PLEKHA5: variants seen among roughly 807,000 people sequenced by gnomAD.
PLEKHA5 encodes pleckstrin homology domain-containing family A member 5.
A neutral mutation model predicts 181.9 loss-of-function variants in PLEKHA5; 55 were observed. That is an observed-to-expected ratio of 0.30 (90% CI 0.24 to 0.38). The LOEUF is 0.38. Ranked by LOEUF, PLEKHA5 falls within the 10% of genes least tolerant of loss-of-function variation. The pLI is 1.00. For synonymous variants in PLEKHA5, 535 were observed against 529.4 expected (o/e 1.01, Z -0.15); for missense variants, 1,432 against 1,549.5 (o/e 0.92, Z 1.27).
chr12:19,334,618 A>G (rs989812373), intron 20 of PLEKHA5, among the ~76,000 whole-genome samples: 1 of 151,728 alleles, frequency 6.6e-6, no homozygotes, highest in Non-Finnish European at 1.5e-5. Flanking sequence ...TTTGTGGTGC[A>G]CACAAATTAA....
At chr12:19,303,570 T>G (rs1365430173) in intron 15 of PLEKHA5, 1 of 152,136 alleles carries the variant, frequency 6.6e-6, no homozygotes, top group Non-Finnish European at 1.5e-5. Context: ...TGGGCTTTTG[T>G]GCACTATGCC....
At chr12:19,335,919 A>T (rs1345164822) in intron 20 of PLEKHA5, among the ~76,000 whole-genome samples, 2 of 152,194 alleles carry the variant, frequency 1.3e-5, no homozygotes, top group Non-Finnish European at 2.9e-5. Context: ...GATGTGAGCC[A>T]CTGCGTCTGG....
chr12:19,264,226 A>G (rs1266523396), intron 7 of PLEKHA5, among the ~76,000 whole-genome samples: 2 of 152,132 alleles, frequency 1.3e-5, no homozygotes, highest in African/African-American at 2.4e-5. Context: ...GATAAAACAG[A>G]TACTAAGCAT....
At chr12:19,240,950 A>C (rs1236413732) in intron 3 of PLEKHA5, among the ~76,000 whole-genome samples, 1 of 152,124 alleles carries the variant, frequency 6.6e-6, no homozygotes, top group Non-Finnish European at 1.5e-5. Flanking sequence ...ATACCCTGTG[A>C]GCATTTTTAT....
At chr12:19,286,432 T>TA (rs1300768466) in intron 12 of PLEKHA5, among the ~76,000 whole-genome samples, 1 of 152,218 alleles carries the variant, frequency 6.6e-6, no homozygotes, top group African/African-American at 2.4e-5. Flanking sequence ...AGAAAAACTA[T>TA]TAAAATTCTC....
intron 3 of PLEKHA5, among the ~76,000 whole-genome samples, chr12:19,253,369 C>T (rs1592215230): frequency 6.6e-6 from 1 of 151,868 alleles, no homozygotes; most frequent in East Asian, 2.0e-4. Flanking sequence ...GCCATGGCAC[C>T]TGGCCTACAA....
chr12:19,317,826 C>T (rs1592466614), intron 16 of PLEKHA5, among the ~76,000 whole-genome samples: 1 of 151,580 alleles, frequency 6.6e-6, no homozygotes, highest in African/African-American at 2.4e-5. Context: ...GAAGTTGGAG[C>T]ACTGCACAAG....
intron 15 of PLEKHA5, chr12:19,306,975 G>T: frequency 7.2e-7 from 1 of 1,398,268 alleles, no homozygotes; most frequent in Non-Finnish European, 1.0e-6. Flanking sequence ...CACTTACTCA[G>T]ACTGGCGCTG....
At chr12:19,168,495 T>A (rs1247037244) in intron 3 of PLEKHA5, among the ~76,000 whole-genome samples, 1 of 96,268 alleles carries the variant, frequency 1.0e-5, no homozygotes, top group South Asian at 4.2e-4. Flanking sequence ...TGCAGTGATT[T>A]AAAAAAAAAA....
At chr12:19,366,477 ACC>A (rs2095426420) in intron 30 of PLEKHA5, among the ~76,000 whole-genome samples, 1 of 151,680 alleles carries the variant, frequency 6.6e-6, no homozygotes, top group African/African-American at 2.4e-5. Context: ...AGATAGTGAA[ACC>A]CCGTCTCTAC....
rs542928760 is a variant in PLEKHA5 at position 19,274,367 on chromosome 12, T to C, written c.846-149T>C. On this transcript the variant is annotated intron_variant, in intron 10 of 31. Transcript: ENST00000429027. ...GTGCTTGAATGTTAATATCACAGCATTGGGTATTTGTGTAGACTTGTCCAC... is the reference window on the plus strand; with the variant it reads ...GTGCTTGAATGTTAATATCACAGCACTGGGTATTTGTGTAGACTTGTCCAC... The C allele has an allele frequency of 2.9e-4, 175 of 607,448 alleles. No homozygotes were observed. In the South Asian group the frequency reaches 3.5e-3, roughly 12 times the overall value. The allele number at this position is 607,448 out of a possible 1,614,324, so 37.6% of individuals were successfully genotyped here. A position where few individuals can be genotyped will look rare whatever the true frequency, so the allele number is the denominator to read the frequency against.
At chr12:19,333,090 G>C (rs925506874) in intron 20 of PLEKHA5, among the ~76,000 whole-genome samples, 1 of 152,132 alleles carries the variant, frequency 6.6e-6, no homozygotes, top group Non-Finnish European at 1.5e-5. Context: ...TTCAAGACCA[G>C]CCTGACCAAC....
intron 21 of PLEKHA5, among the ~76,000 whole-genome samples, chr12:19,337,806 C>T (rs1429122537): frequency 1.3e-5 from 2 of 151,714 alleles, no homozygotes; most frequent in South Asian, 2.1e-4. Context: ...ACAAAATTAG[C>T]CAGGATCACG....
chr12:19,320,456 TTTG>T, intron 17 of PLEKHA5, 103 bp from the exon 18 acceptor site: 2 of 542,878 alleles, frequency 3.7e-6, no homozygotes, highest in Non-Finnish European at 6.5e-6. Flanking sequence ...AAAATCTATT[TTTG>T]TTATGTTATA....
At chr12:19,308,135 C>G (rs549186961) in intron 15 of PLEKHA5, among the ~76,000 whole-genome samples, 3 of 151,948 alleles carry the variant, frequency 2.0e-5, no homozygotes, top group African/African-American at 7.3e-5. Flanking sequence ...AGCAGATTCC[C>G]CTAAAACAAA....
chr12:19,230,526 C>T (rs560795115), intron 3 of PLEKHA5, among the ~76,000 whole-genome samples: 4 of 152,276 alleles, frequency 2.6e-5, no homozygotes, highest in South Asian at 2.1e-4. Context: ...TGAGGCCCGG[C>T]GAGAATTTGA....
intron 28 of PLEKHA5, among the ~76,000 whole-genome samples, chr12:19,360,713 G>C (rs760294670): frequency 6.6e-6 from 1 of 152,114 alleles, no homozygotes; most frequent in Middle Eastern, 3.4e-3. Context: ...CATTAATCCC[G>C]GTTAAGGAAT....
chr12:19,347,898 T>TTTTTG (rs2094417111), intron 24 of PLEKHA5, among the ~76,000 whole-genome samples: 9 of 150,726 alleles, frequency 6.0e-5, no homozygotes, highest in Non-Finnish European at 8.9e-5. Context: ...TTTTTTTTTT[T>TTTTTG]TTTTGAGACA....
intron 15 of PLEKHA5, among the ~76,000 whole-genome samples, chr12:19,292,654 A>G (rs553930743): frequency 1.3e-5 from 2 of 151,394 alleles, no homozygotes; most frequent in African/African-American, 4.9e-5. Context: ...GAAAATGGCA[A>G]TGGGCCGGGT....
Sources: gnomAD v4.1 joint callset for allele counts (sites outside exome capture counted in the v4.1 genomes callset) on GRCh38, gnomAD v4.1.1 for gene constraint, MANE v1.5 for transcripts, NCBI Gene and HGNC (gene_info 2026-07-23, HGNC 2026-07-21) for gene names.